The following DLG1 variants were observed in gnomAD, a reference collection of about 807,000 sequenced individuals.
The protein encoded by DLG1 is disks large homolog 1.
Under a neutral mutation model 123.4 loss-of-function variants are expected in DLG1, and 42 were observed. That is an observed-to-expected ratio of 0.34 (90% CI 0.27 to 0.44). DLG1 has a LOEUF of 0.44. DLG1 is among the 20% of genes least tolerant of loss of function. DLG1 has a pLI of 1.00. For missense variants in DLG1, 942 were observed against 1,082.6 expected (o/e 0.87, Z 1.82); for synonymous variants, 317 against 356.2 (o/e 0.89, Z 1.24).
chr3:197,208,156 T>G (rs983888353), intron 4 of DLG1, among the ~76,000 whole-genome samples: 1 of 146,486 alleles, frequency 6.8e-6, no homozygotes, highest in South Asian at 2.6e-4. Context: ...AAAAATATGT[T>G]TATCTACTAC....
rs1360941877 is a variant in DLG1 at position 197,218,435 on chromosome 3, G to A, written c.319-23846C>T. Among the ~76,000 whole-genome samples the A allele has an allele frequency of 2.6e-5, 4 of 152,260 alleles. No homozygotes were observed. In the East Asian group the frequency reaches 7.7e-4, roughly 29 times the overall value. On this transcript the variant is annotated intron_variant, in intron 4 of 24. Coordinates refer to ENST00000667157, the MANE Select transcript of DLG1 (RefSeq NM_001366207.1). ...TACTTTATCTCCAGCAAGTGCCAAA[G>A]ACAGCTTAAAATAGACTCATTTTCT...
intron 6 of DLG1, among the ~76,000 whole-genome samples, chr3:197,144,659 G>C (rs1789777009): frequency 6.6e-6 from 1 of 152,098 alleles, no homozygotes; most frequent in African/African-American, 2.4e-5. Flanking sequence ...CTAATATAGG[G>C]ACCAGGAGTT....
chr3:197,057,597 C>T (rs924574310), intron 23 of DLG1, among the ~76,000 whole-genome samples: 7 of 152,210 alleles, frequency 4.6e-5, no homozygotes, highest in African/African-American at 1.7e-4. Context: ...AGTTGTTCCA[C>T]ATCTTTGCCA....
At chr3:197,285,634 G>A (rs1329982543) in intron 3 of DLG1, among the ~76,000 whole-genome samples, 1 of 152,012 alleles carries the variant, frequency 6.6e-6, no homozygotes, top group Non-Finnish European at 1.5e-5. Flanking sequence ...AGACAGAGAT[G>A]GCAAGTGAGC....
intron 4 of DLG1, among the ~76,000 whole-genome samples, chr3:197,266,287 C>T (rs1442426494): frequency 6.6e-6 from 1 of 151,910 alleles, no homozygotes; most frequent in African/African-American, 2.4e-5. Context: ...AGAAATGACA[C>T]ATAATAGAAT....
chr3:197,260,750 CAAAAAAA>C (rs570596943), intron 4 of DLG1, among the ~76,000 whole-genome samples: 3 of 18,316 alleles, frequency 1.6e-4, no homozygotes, highest in Admixed American at 1.1e-3. Context: ...TGACAACCAC[CAAAAAAA>C]AAAAAAAAAA....
At chr3:197,075,486 A>T (rs1204187015) in intron 18 of DLG1, among the ~76,000 whole-genome samples, 1 of 151,998 alleles carries the variant, frequency 6.6e-6, no homozygotes, top group Non-Finnish European at 1.5e-5. Flanking sequence ...TAAAACTCCA[A>T]GGAAGCATAT....
chr3:197,125,263 A>G (rs1778443440), intron 11 of DLG1, among the ~76,000 whole-genome samples: 1 of 152,132 alleles, frequency 6.6e-6, no homozygotes, highest in South Asian at 2.1e-4. Flanking sequence ...ATGTAGTAGG[A>G]CTGCAGGCAA....
chr3:197,057,113 T>A (rs1019844125), intron 23 of DLG1, among the ~76,000 whole-genome samples: 1 of 152,096 alleles, frequency 6.6e-6, no homozygotes, highest in African/African-American at 2.4e-5. Context: ...CCTCACTCTG[T>A]CACCAAGGCT....
intron 4 of DLG1, among the ~76,000 whole-genome samples, chr3:197,257,344 T>C (rs1757332095): frequency 6.6e-6 from 1 of 152,172 alleles, no homozygotes; most frequent in Non-Finnish European, 1.5e-5. Flanking sequence ...TTCTATCAGT[T>C]ATGTTAAAAC....
Position 197,282,758 on chromosome 3 carries a change from T to C in DLG1, c.239A>G (p.Asn80Ser), listed in dbSNP as rs748318075. The C allele has an allele frequency of 1.4e-5, 23 of 1,612,420 alleles. No individual in the cohort carries two copies. The highest frequency in any genetic ancestry group is 1.9e-5 in the Non-Finnish European group (22 of 1,179,158). Residue 80 changes from asparagine (N) to serine (S), a missense_variant, in exon 4 of 25, where the codon AAT (asparagine) becomes AGT (serine). Asn to Ser is a conservative substitution (Grantham distance 46). Coordinates refer to ENST00000667157, the MANE Select transcript of DLG1 (RefSeq NM_001366207.1). The stretch of plus-strand genomic sequence containing the variant: ...TGGAAGGCTGGAAATCTCCCAAGTA[T>C]TCACAGGTTGAATTGGTTCAGACGG... ...SKPSEPIQPVNTWEISSLPSS... is the reference protein window; with the variant it reads ...SKPSEPIQPVSTWEISSLPSS...
intron 4 of DLG1, among the ~76,000 whole-genome samples, chr3:197,276,954 C>T (rs556905997): frequency 1.1e-4 from 16 of 151,802 alleles, no homozygotes; most frequent in Admixed American, 6.6e-4. Context: ...TGCGGTGGTA[C>T]GATCTTGGCT....
intron 19 of DLG1, among the ~76,000 whole-genome samples, chr3:197,068,153 A>C (rs1741038142): frequency 1.3e-5 from 2 of 152,206 alleles, no homozygotes; most frequent in Admixed American, 1.3e-4. Flanking sequence ...AAAGTACATA[A>C]GACCAATATT....
intron 4 of DLG1, among the ~76,000 whole-genome samples, chr3:197,195,744 G>GGGGGTGT (rs1328209813): frequency 2.0e-5 from 3 of 152,114 alleles, no homozygotes; most frequent in Non-Finnish European, 4.4e-5. Flanking sequence ...GGAGGTAGAA[G>GGGGGTGT]GGGGTGTGGG....
At chr3:197,242,081 A>G (rs1187305139) in intron 4 of DLG1, among the ~76,000 whole-genome samples, 1 of 152,176 alleles carries the variant, frequency 6.6e-6, no homozygotes, top group Non-Finnish European at 1.5e-5. Context: ...AGATACACAT[A>G]CATTAAAAGG....
At chr3:197,157,062 T>C (rs545158960) in intron 5 of DLG1, among the ~76,000 whole-genome samples, 4 of 152,162 alleles carry the variant, frequency 2.6e-5, no homozygotes, top group Admixed American at 6.5e-5. Context: ...GTGAACATCA[T>C]ACTCAGTGGT....
chr3:197,222,513 T>C (rs1737667021), intron 4 of DLG1, among the ~76,000 whole-genome samples: 1 of 152,146 alleles, frequency 6.6e-6, no homozygotes, highest in South Asian at 2.1e-4. Context: ...GGGAAAATGA[T>C]GTAATTGTAA....
chr3:197,065,800 G>A lies in DLG1; in HGVS notation c.2108C>T (p.Thr703Ile), dbSNP rs767805250. The change falls in exon 21 of 25, where the codon ACT becomes ATT. Residue 703 changes from threonine to isoleucine, a missense_variant. Transcript: ENST00000667157. ...AGGTCCCAATATGATCACTGGTCGA[G>A]TATAATTAACTATAAAGATAAACTG... ...EPVNQQEVNY[T>I]RPVIILGPMK... 1 of 1,572,956 alleles carries A rather than the reference G, an allele frequency of 6.4e-7. No individual in the cohort carries two copies. The highest frequency in any genetic ancestry group is 1.1e-5 in the South Asian group (1 of 88,470).
At chr3:197,052,535 A>G (rs1261405769) in intron 23 of DLG1, among the ~76,000 whole-genome samples, 2 of 152,230 alleles carry the variant, frequency 1.3e-5, no homozygotes, top group South Asian at 4.1e-4. Context: ...GTTGCTGTAT[A>G]CTTGGAATGA....
Sources: gnomAD v4.1 joint callset for allele counts (sites outside exome capture counted in the v4.1 genomes callset) on GRCh38, gnomAD v4.1.1 for gene constraint, MANE v1.5 for transcripts, NCBI Gene and HGNC (gene_info 2026-07-23, HGNC 2026-07-21) for gene names.